The following SUPT7L variants were observed in gnomAD, a reference collection of about 807,000 sequenced individuals.
SUPT7L encodes the protein SPT7 like, STAGA complex subunit gamma.
In SUPT7L, 15 loss-of-function variants were observed where a neutral mutation model predicts 35.7. That is an observed-to-expected ratio of 0.42 (90% CI 0.28 to 0.65). SUPT7L has a LOEUF of 0.65. Among genes scored for constraint, SUPT7L ranks in the 30% least tolerant of loss-of-function variants. The pLI is 0.23. For missense variants in SUPT7L, 434 were observed against 522.2 expected (o/e 0.83, Z 1.65); for synonymous variants, 168 against 186.2 (o/e 0.90, Z 0.79).
the SUPT7L span, among the ~76,000 whole-genome samples, chr2:27,644,706 G>GT: frequency 0.18 from 22,474 of 123,756 alleles, 2,290 homozygotes; most frequent in East Asian, 0.34. Context: ...GCCTTAGTGA[G>GT]TTTTTTTTTT....
At chr2:27,654,213 A>T (rs1430209980) in intron 5 of SUPT7L, among the ~76,000 whole-genome samples, 2 of 152,198 alleles carry the variant, frequency 1.3e-5, no homozygotes, top group Admixed American at 6.5e-5. Context: ...TAATGCTAAC[A>T]GCAGTTCTCT....
At chr2:27,650,548 G>A (rs7382), downstream of SUPT7L, 77,237 of 167,664 alleles carry the variant, frequency 0.46, 19,156 homozygotes, top group Non-Finnish European at 0.56. Flanking sequence ...GTCTCCTGGT[G>A]ACCACCTCAG....
At chr2:27,649,354 G>A (rs1316314961), downstream of SUPT7L, among the ~76,000 whole-genome samples, 2 of 151,880 alleles carry the variant, frequency 1.3e-5, no homozygotes, top group African/African-American at 4.8e-5. Context: ...GGTTTTACAT[G>A]TAAATTGCCT....
At chr2:27,642,780 G>C in the SUPT7L span, among the ~76,000 whole-genome samples, 5 of 151,892 alleles carry the variant, frequency 3.3e-5, no homozygotes, top group African/African-American at 9.7e-5. Context: ...GGTCAGGCTG[G>C]TCTCGAACTC....
At chr2:27,647,244 G>C (rs186258098), downstream of SUPT7L, among the ~76,000 whole-genome samples, 2 of 152,202 alleles carry the variant, frequency 1.3e-5, no homozygotes, top group Non-Finnish European at 2.9e-5. Context: ...CATGGCAGTA[G>C]TGACTTGATT....
intron 5 of SUPT7L, among the ~76,000 whole-genome samples, chr2:27,655,063 C>T (rs1379118237): frequency 2.6e-5 from 4 of 152,212 alleles, no homozygotes; most frequent in Non-Finnish European, 5.9e-5. Context: ...GGGATATCTT[C>T]CCAACCAGCT....
the SUPT7L span, among the ~76,000 whole-genome samples, chr2:27,644,722 T>C: frequency 2.1e-5 from 3 of 143,578 alleles, no homozygotes; most frequent in African/African-American, 8.1e-5. Context: ...TTTTTGGTAG[T>C]GTTTTTTTTT....
intron 1 of SUPT7L, 135 bp from the exon 2 acceptor site, chr2:27,662,416 TAAC>T (rs1019598757): frequency 5.7e-6 from 3 of 530,450 alleles, no homozygotes; most frequent in South Asian, 2.3e-5. Context: ...ACCTTTGTTC[TAAC>T]AACATTATAC....
chr2:27,657,642 G>A lies in SUPT7L; in HGVS notation c.447C>T (p.Leu149=). 22 of 1,613,674 alleles carry A rather than the reference G, an allele frequency of 1.4e-5. No homozygotes were observed. Among genetic ancestry groups the A allele is most frequent in the Non-Finnish European group, 1.9e-5 (22 of 1,179,676 alleles). The change falls in exon 4 of 6, where the codon CTC becomes CTT. Residue 149 remains leucine, a synonymous_variant. Transcript: ENST00000337768. This position sits in a 1 kb window ranked among gnomAD's most constrained non-coding sequence, Gnocchi z 5.2. The stretch of plus-strand genomic sequence containing the variant: ...GGAGCTGCCGACAGGAGTGCCAGCT[G>A]AGTTCAGTCACAGGTTCCCCTTTCC... ...YRGKGEPVTE[L]SWHSCRQLLY... is the part of the protein sequence containing the mutation.
At chr2:27,644,969 A>G in the SUPT7L span, among the ~76,000 whole-genome samples, 255 of 151,774 alleles carry the variant, frequency 1.7e-3, no homozygotes, top group African/African-American at 5.7e-3. Flanking sequence ...TGGACTGTTT[A>G]TTTATTTATT....
In SUPT7L at chr2:27,652,803, A is replaced by T. The variant is rs1246863280; in HGVS notation, c.*682T>A. The T allele has an allele frequency of 6.5e-6, 1 of 152,848 alleles. No individual in the cohort carries two copies. Among genetic ancestry groups the T allele is most frequent in the Non-Finnish European group, 1.5e-5 (1 of 68,108 alleles). The allele number at this position is 152,848 out of a possible 1,614,324, so 9.5% of individuals were successfully genotyped here. On this transcript the variant is annotated 3_prime_UTR_variant, in exon 6 of 6. Transcript: ENST00000337768. ...GGTGAAAGTATGTGAGTCCGAGCAG[A>T]AATAACAAAGGCAAAAGGATGAGGA...
chr2:27,653,844 T>A (rs1240038593), intron 5 of SUPT7L, 97 bp from the exon 6 acceptor site: 21 of 1,445,624 alleles, frequency 1.5e-5, no homozygotes, highest in Non-Finnish European at 1.8e-5. Flanking sequence ...ACTAATATGC[T>A]TTGAGCTCAG....
chr2:27,647,976 G>A (rs1344235789), downstream of SUPT7L: 1 of 1,182,898 alleles, frequency 8.5e-7, no homozygotes, highest in African/African-American at 1.5e-5. Context: ...CGTGGCAACA[G>A]AGCATCTGCT....
At chr2:27,647,815 T>A, downstream of SUPT7L, 1 of 1,411,578 alleles carries the variant, frequency 7.1e-7, no homozygotes, top group Non-Finnish European at 1.0e-6. Context: ...GGCATATCAC[T>A]GATAGGTGTT....
the SUPT7L span, among the ~76,000 whole-genome samples, chr2:27,643,019 A>C: frequency 1.3e-5 from 2 of 151,104 alleles, no homozygotes; most frequent in African/African-American, 4.9e-5. This position sits in a 1 kb window ranked among gnomAD's most constrained non-coding sequence, Gnocchi z 4.0. Context: ...ATATATATTA[A>C]AAAATAAAGG....
intron 2 of SUPT7L, 120 bp from the exon 3 acceptor site, chr2:27,661,508 G>C (rs1398282701): frequency 5.8e-5 from 86 of 1,492,326 alleles, no homozygotes; most frequent in Non-Finnish European, 7.4e-5. Context: ...AAAAATACGA[G>C]GTCTAGCCAG....
At chr2:27,643,104 C>T in the SUPT7L span, among the ~76,000 whole-genome samples, 1 of 150,942 alleles carries the variant, frequency 6.6e-6, no homozygotes, top group Non-Finnish European at 1.5e-5. This position sits in a 1 kb window ranked among gnomAD's most constrained non-coding sequence, Gnocchi z 4.0. Flanking sequence ...TTTTGCTTTA[C>T]TTTGGCAATA....
In SUPT7L at chr2:27,660,919, A is replaced by G. The variant is rs1675068680; in HGVS notation, c.419+65T>C. The G allele has an allele frequency of 2.0e-6, 3 of 1,516,216 alleles. No homozygotes were observed. The Admixed American group carries it at 6.4e-5, about 32-fold the overall frequency. The allele number at this position is 1,516,216 out of a possible 1,614,324, so 93.9% of individuals were successfully genotyped here. Reference sequence around the variant, plus strand: ...CGCATGAAAATGGAAATGCTATTATAGGCTTAACAGGGTTGTTGGGAAGAT... The same window carrying G: ...CGCATGAAAATGGAAATGCTATTATGGGCTTAACAGGGTTGTTGGGAAGAT... On this transcript the variant is annotated intron_variant, in intron 3 of 5. Transcript: ENST00000337768.
intron 3 of SUPT7L, among the ~76,000 whole-genome samples, chr2:27,658,160 C>T (rs905206456): frequency 3.9e-5 from 6 of 152,116 alleles, no homozygotes; most frequent in Non-Finnish European, 7.4e-5. Flanking sequence ...TATAAAGTTA[C>T]AAGGGACCAT....
Sources: allele counts gnomAD v4.1 joint callset (sites outside exome capture counted in the v4.1 genomes callset), GRCh38; gene constraint gnomAD v4.1.1; non-coding constraint Gnocchi (gnomAD v3.1); transcripts MANE v1.5; gene names NCBI Gene and HGNC (gene_info 2026-07-23, HGNC 2026-07-21).